PDE3A: variants seen among roughly 807,000 people sequenced by gnomAD.
PDE3A encodes the protein phosphodiesterase 3A.
In PDE3A, 43 loss-of-function variants were observed where a neutral mutation model predicts 98.3. The ratio of observed to expected loss-of-function variants is 0.44; its 90% CI spans 0.34 to 0.56. PDE3A has a LOEUF of 0.56. Ranked by LOEUF, PDE3A falls within the 20% of genes least tolerant of loss-of-function variation. The probability of loss-of-function intolerance (pLI) is 0.01; values close to 1 mark genes in which losing one functional copy is unlikely to be tolerated. For synonymous variants in PDE3A, 663 were observed against 567.9 expected (o/e 1.17, Z -2.38); for missense variants, 1,427 against 1,440.7 (o/e 0.99, Z 0.15).
Position 20,606,732 on chromosome 12 carries a change from C to T in PDE3A, c.1012-6711C>T, listed in dbSNP as rs538772866. 4.2e-3 allele frequency among the ~76,000 whole-genome samples: 630 copies of T among 151,576 alleles called. 2 individuals carry two copies. The highest frequency in any genetic ancestry group is 7.2e-3 in the Non-Finnish European group (487 of 67,922). On this transcript the variant is annotated intron_variant, in intron 2 of 15. Coordinates refer to ENST00000359062, the MANE Select transcript of PDE3A (RefSeq NM_000921.5). ...AATTAGTTGGGCATGGTAGCATATG[C>T]CTGTAATCCCAGCTACTTGGGAGGC... is the stretch of plus-strand genomic sequence containing the variant.
chr12:20,560,778 C>T (rs1399172828), intron 2 of PDE3A, among the ~76,000 whole-genome samples: 3 of 152,028 alleles, frequency 2.0e-5, no homozygotes, highest in Admixed American at 1.3e-4. Context: ...GGAAATGGTG[C>T]GGTTCAGGGA....
chr12:20,378,388 TATATAG>T (rs1424824542), intron 1 of PDE3A, among the ~76,000 whole-genome samples: 1 of 151,782 alleles, frequency 6.6e-6, no homozygotes, highest in African/African-American at 2.4e-5. Flanking sequence ...TTTTACTTTA[TATATAG>T]ATATATAGAT....
chr12:20,663,687 T>C (rs115574651), intron 15 of PDE3A, among the ~76,000 whole-genome samples: 2 of 152,214 alleles, frequency 1.3e-5, no homozygotes, highest in Non-Finnish European at 2.9e-5. Context: ...TGTACCATCA[T>C]TGTATCTGGG....
rs142345074 is a variant in PDE3A, at chr12:20,396,733, A to G, written c.960+26489A>G. On this transcript the variant is annotated intron_variant, in intron 1 of 15. Coordinates refer to ENST00000359062, the MANE Select transcript of PDE3A (RefSeq NM_000921.5). ...AATTTTATAATTTCATGATGAGAGAAGCTGGACCATTATCTAATGCCCGTT... is the reference window on the plus strand; with the variant it reads ...AATTTTATAATTTCATGATGAGAGAGGCTGGACCATTATCTAATGCCCGTT... Among the ~76,000 whole-genome samples the G allele has an allele frequency of 7.4e-4, 112 of 152,226 alleles. No individual in the cohort carries two copies. The East Asian group carries it at 0.019, about 26-fold the overall frequency.
In PDE3A at chr12:20,552,195, C is replaced by G; in HGVS notation, c.961-4465C>G. 2 of 1,613,816 alleles carry G rather than the reference C, an allele frequency of 1.2e-6. No homozygotes were observed. Among genetic ancestry groups the G allele is most frequent in the Non-Finnish European group, 1.7e-6 (2 of 1,179,888 alleles). On this transcript the variant is annotated intron_variant, in intron 1 of 15. Coordinates refer to ENST00000359062, the MANE Select transcript of PDE3A (RefSeq NM_000921.5). This position sits in a 1 kb window ranked among gnomAD's most constrained non-coding sequence, Gnocchi z 5.1. Reference sequence around the variant, plus strand: ...CTCCCATCAATGACCAAGAAGGGGCCGAGGCCAAGGACTGGCGGTCGGGGA... The same window carrying G: ...CTCCCATCAATGACCAAGAAGGGGCGGAGGCCAAGGACTGGCGGTCGGGGA...
At chr12:20,593,537 G>A (rs1046435857) in intron 2 of PDE3A, among the ~76,000 whole-genome samples, 4 of 113,084 alleles carry the variant, frequency 3.5e-5, no homozygotes, top group Non-Finnish European at 7.9e-5. Flanking sequence ...GGGATGAGAG[G>A]CTTTTTAAGG....
intron 1 of PDE3A, among the ~76,000 whole-genome samples, chr12:20,428,019 G>A (rs1409670472): frequency 2.0e-5 from 3 of 151,988 alleles, no homozygotes; most frequent in Non-Finnish European, 4.4e-5. Context: ...ATCCCACATC[G>A]TTCAAGTCAG....
At chr12:20,620,598 G>T (rs944584677) in intron 4 of PDE3A, among the ~76,000 whole-genome samples, 9 of 152,090 alleles carry the variant, frequency 5.9e-5, no homozygotes, top group African/African-American at 1.9e-4. Context: ...AGTCTTCCAT[G>T]AATCTATTAA....
intron 6 of PDE3A, among the ~76,000 whole-genome samples, chr12:20,633,165 G>A (rs937402385): frequency 2.0e-5 from 3 of 152,162 alleles, no homozygotes; most frequent in Admixed American, 6.5e-5. Flanking sequence ...TGGCCAGGCT[G>A]GTCTTGAACT....
At chr12:20,654,241 T>A (rs774432202) in intron 15 of PDE3A, 36 bp downstream of exon 15, 5 of 1,595,340 alleles carry the variant, frequency 3.1e-6, no homozygotes, top group Non-Finnish European at 3.4e-6. Flanking sequence ...GTGTTTTCCC[T>A]GGGATTGCTT....
Position 20,686,943 on chromosome 12 carries a change from A to G in PDE3A, c.*6672A>G, listed in dbSNP as rs1244010727. 1.3e-5 allele frequency among the ~76,000 whole-genome samples: 2 copies of G among 152,092 alleles called. No homozygotes were observed. The highest frequency in any genetic ancestry group is 2.9e-5 in the Non-Finnish European group (2 of 67,960). On this transcript the variant is annotated 3_prime_UTR_variant, in exon 16 of 16. Coordinates refer to ENST00000359062, the MANE Select transcript of PDE3A (RefSeq NM_000921.5). Reference sequence around the variant, plus strand: ...GTCTTTAATACAAACCAATTTAGTTACTCTGGAGTGAAATGACTTGTGGAT... The same window carrying G: ...GTCTTTAATACAAACCAATTTAGTTGCTCTGGAGTGAAATGACTTGTGGAT...
chr12:20,376,548 C>T (rs537676498), intron 1 of PDE3A, among the ~76,000 whole-genome samples: 10 of 152,042 alleles, frequency 6.6e-5, no homozygotes, highest in South Asian at 2.1e-4. Flanking sequence ...AAATGAATAT[C>T]AGTTGCACTG....
chr12:20,431,088 G>A (rs1200910829), intron 1 of PDE3A, among the ~76,000 whole-genome samples: 1 of 152,038 alleles, frequency 6.6e-6, no homozygotes, highest in Non-Finnish European at 1.5e-5. Flanking sequence ...TTTGTGGGAA[G>A]AAATATTATC....
At position 20,646,943 on chromosome 12, in the gene PDE3A, C is replaced by A; in HGVS notation, c.2558C>A (p.Ala853Asp). ...RTNAFLVATS[A>D]PQAVLYNDRS... ...AATGCTTTCCTGGTTGCAACTAGTG[C>A]TCCTCAGGTAAATCTTTAGATTTTG... Residue 853 changes from alanine to aspartate, a missense_variant, in exon 12 of 16, where the codon GCT becomes GAT. Physicochemically the swap from Ala to Asp is moderately radical, Grantham distance 126. Coordinates refer to ENST00000359062, the MANE Select transcript of PDE3A (RefSeq NM_000921.5). 6.2e-7 allele frequency: 1 copy of A among 1,609,062 alleles called. No homozygotes were observed. Among genetic ancestry groups the A allele is most frequent in the East Asian group, 2.2e-5 (1 of 44,846 alleles).
chr12:20,475,335 G>C (rs1408758071), intron 1 of PDE3A, among the ~76,000 whole-genome samples: 5 of 152,028 alleles, frequency 3.3e-5, no homozygotes, highest in Non-Finnish European at 5.9e-5. Context: ...TTTTTCATGT[G>C]AAGTTTGTTC....
intron 1 of PDE3A, among the ~76,000 whole-genome samples, chr12:20,388,878 T>C (rs1292086516): frequency 6.6e-6 from 1 of 151,992 alleles, no homozygotes; most frequent in Non-Finnish European, 1.5e-5. Flanking sequence ...GAAAACAATG[T>C]GTACATAATA....
intron 4 of PDE3A, among the ~76,000 whole-genome samples, chr12:20,620,462 G>A (rs1256803303): frequency 6.6e-6 from 1 of 152,008 alleles, no homozygotes; most frequent in East Asian, 1.9e-4. Flanking sequence ...CCCACATTAG[G>A]ATGGAGTCTA....
chr12:20,381,324 T>C (rs1943659377), intron 1 of PDE3A, among the ~76,000 whole-genome samples: 1 of 151,836 alleles, frequency 6.6e-6, no homozygotes, highest in Admixed American at 6.6e-5. Context: ...ACCATAAAAA[T>C]GAGTGCCAAA....
In PDE3A at chr12:20,639,884, A is replaced by G. The variant is rs752257568; in HGVS notation, c.2178A>G (p.Glu726=). Residue 726 remains glutamate (E), a synonymous_variant, in exon 10 of 16, where the codon GAA becomes GAG. Transcript: ENST00000359062. ...TTTTTGAAGACATGGGCCTCTTTGA[A>G]GCTTTTAAAATTCCAATTAGGGAAT... ...YRLFEDMGLF[E]AFKIPIREFM... The G allele has an allele frequency of 6.3e-7, 1 of 1,586,330 alleles. No homozygotes were observed. Among genetic ancestry groups the G allele is most frequent in the Non-Finnish European group, 8.7e-7 (1 of 1,155,430 alleles).
Sources: allele counts gnomAD v4.1 joint callset (sites outside exome capture counted in the v4.1 genomes callset), GRCh38; gene constraint gnomAD v4.1.1; non-coding constraint Gnocchi (gnomAD v3.1); transcripts MANE v1.5; gene names NCBI Gene and HGNC (gene_info 2026-07-23, HGNC 2026-07-21).